ANKFN1: variants seen among roughly 807,000 people sequenced by gnomAD.
ANKFN1 encodes the protein ankyrin repeat and fibronectin type-III domain-containing protein 1.
A neutral mutation model predicts 108.7 loss-of-function variants in ANKFN1; 74 were observed. That is an observed-to-expected ratio of 0.68 (90% CI 0.56 to 0.83). The LOEUF (loss-of-function observed/expected upper bound fraction) is 0.83. Among genes scored for constraint, ANKFN1 ranks in the 40% least tolerant of loss-of-function variants. The pLI is 0.00. For missense variants in ANKFN1, 1,505 were observed against 1,382.3 expected (o/e 1.09, Z -1.41); for synonymous variants, 547 against 516.2 (o/e 1.06, Z -0.81).
At chr17:56,454,034 A>C (rs527851759) in intron 11 of ANKFN1, among the ~76,000 whole-genome samples, 1 of 152,314 alleles carries the variant, frequency 6.6e-6, no homozygotes, top group African/African-American at 2.4e-5. Flanking sequence ...TATACCCTTC[A>C]ATTGTGAGAC....
intron 3 of ANKFN1, among the ~76,000 whole-genome samples, chr17:56,236,409 C>T (rs1917156396): frequency 6.6e-6 from 1 of 152,122 alleles, no homozygotes; most frequent in African/African-American, 2.4e-5. Flanking sequence ...TCTTTCACCT[C>T]CCTAGTTAGC....
At chr17:56,080,574 A>G (rs1211789507) in intron 4 of ANKFN1, among the ~76,000 whole-genome samples, 3 of 152,176 alleles carry the variant, frequency 2.0e-5, no homozygotes, top group Non-Finnish European at 2.9e-5. Flanking sequence ...AGAATGTTAT[A>G]CTAATTCACT....
intron 4 of ANKFN1, among the ~76,000 whole-genome samples, chr17:56,136,443 T>C (rs1255589834): frequency 6.6e-6 from 1 of 152,224 alleles, no homozygotes; most frequent in East Asian, 1.9e-4. Flanking sequence ...ATGTCCTGGC[T>C]AGTATCTGTA....
Position 56,375,167 on chromosome 17 carries a change from G to A in ANKFN1, c.910+453G>A, listed in dbSNP as rs544484498. ...GCAGATAAAGTATATTGGAGGTCAG[G>A]AAAGAGCAAGGGGAAGATAAAATGG... On this transcript the variant is annotated intron_variant, in intron 8 of 20. Coordinates refer to ENST00000682825, the MANE Select transcript of ANKFN1 (RefSeq NM_001370326.1). Among the ~76,000 whole-genome samples the A allele has an allele frequency of 2.0e-5, 3 of 152,304 alleles. No homozygotes were observed. The East Asian group carries it at 5.8e-4, about 29-fold the overall frequency.
intron 19 of ANKFN1, 134 bp downstream of exon 19, chr17:56,492,487 G>C: frequency 3.7e-6 from 2 of 545,492 alleles, no homozygotes; most frequent in Non-Finnish European, 6.6e-6. Flanking sequence ...CTATTGAGTT[G>C]GTTAAAATGT....
chr17:56,288,433 A>T (rs188702578), intron 3 of ANKFN1, among the ~76,000 whole-genome samples: 12 of 152,082 alleles, frequency 7.9e-5, no homozygotes, highest in Admixed American at 5.9e-4. Flanking sequence ...TTTATCTGTT[A>T]TGCTGGATTC....
chr17:56,125,874 C>A (rs944322215), intron 4 of ANKFN1, among the ~76,000 whole-genome samples: 21 of 152,320 alleles, frequency 1.4e-4, no homozygotes, highest in African/African-American at 5.1e-4. Context: ...GACAGGCCGG[C>A]AGGGGCCACC....
intron 3 of ANKFN1, among the ~76,000 whole-genome samples, chr17:56,294,158 T>C (rs987693423): frequency 6.6e-6 from 1 of 152,216 alleles, no homozygotes; most frequent in African/African-American, 2.4e-5. Context: ...AAAATAGCTA[T>C]ATAAAGAAAC....
intron 1 of ANKFN1, chr17:56,174,261 CT>C: frequency 5.1e-6 from 5 of 985,602 alleles, no homozygotes; most frequent in Non-Finnish European, 4.8e-6. Context: ...CCACTCAGCC[CT>C]CCAGAGACAC....
intron 3 of ANKFN1, among the ~76,000 whole-genome samples, chr17:56,300,224 C>T (rs577486221): frequency 8.7e-4 from 132 of 152,258 alleles, no homozygotes; most frequent in African/African-American, 3.1e-3. Context: ...TTTGAAGAAT[C>T]AGAGCATGAG....
intron 4 of ANKFN1, among the ~76,000 whole-genome samples, chr17:56,079,601 T>G (rs1322048660): frequency 6.6e-6 from 1 of 152,184 alleles, no homozygotes; most frequent in Non-Finnish European, 1.5e-5. Context: ...GATTGTAGAT[T>G]AGACATTGTC....
At chr17:56,479,098 C>T (rs1428840298) in intron 16 of ANKFN1, among the ~76,000 whole-genome samples, 2 of 152,206 alleles carry the variant, frequency 1.3e-5, no homozygotes, top group Non-Finnish European at 2.9e-5. Context: ...TTACATTACA[C>T]TCATCCATTT....
chr17:56,079,397 C>T (rs1177507042), intron 4 of ANKFN1, among the ~76,000 whole-genome samples: 3 of 152,164 alleles, frequency 2.0e-5, no homozygotes, highest in African/African-American at 7.2e-5. Flanking sequence ...AGTGCCAAGA[C>T]CAAACAGAGG....
chr17:56,135,213 G>A (rs1005303446), intron 4 of ANKFN1, among the ~76,000 whole-genome samples: 53 of 152,160 alleles, frequency 3.5e-4, no homozygotes, highest in Non-Finnish European at 7.3e-5. Context: ...AGGTTGGCAA[G>A]CTACCTTAAA....
At chr17:56,304,661 T>G (rs2044766395) in intron 3 of ANKFN1, among the ~76,000 whole-genome samples, 1 of 152,140 alleles carries the variant, frequency 6.6e-6, no homozygotes, top group African/African-American at 2.4e-5. Context: ...TTTGGTGTTT[T>G]CTTTTTTTTT....
chr17:56,055,809 C>A (rs1567778652), intron 4 of ANKFN1, among the ~76,000 whole-genome samples: 1 of 151,182 alleles, frequency 6.6e-6, no homozygotes, highest in African/African-American at 2.4e-5. Flanking sequence ...ATACTGTTTT[C>A]CATAGAGGTT....
chr17:56,394,298 C>T (rs1251576999), intron 8 of ANKFN1, among the ~76,000 whole-genome samples: 5 of 152,206 alleles, frequency 3.3e-5, no homozygotes, highest in African/African-American at 9.6e-5. Flanking sequence ...CTTCAACACA[C>T]TTGCCACTGG....
At chr17:56,492,042 A>T in intron 18 of ANKFN1, 145 bp from the exon 19 acceptor site, 1 of 586,964 alleles carries the variant, frequency 1.7e-6, no homozygotes, top group South Asian at 2.1e-5. Context: ...TTAAGAGCAC[A>T]TTTATAATTT....
intron 3 of ANKFN1, among the ~76,000 whole-genome samples, chr17:56,277,577 G>A (rs886771807): frequency 2.6e-5 from 4 of 152,026 alleles, no homozygotes; most frequent in African/African-American, 9.7e-5. Flanking sequence ...TCCCATTACA[G>A]AGGATGTCAT....
Sources: allele counts gnomAD v4.1 joint callset (sites outside exome capture counted in the v4.1 genomes callset), GRCh38; gene constraint gnomAD v4.1.1; transcripts MANE v1.5; gene names NCBI Gene and HGNC (gene_info 2026-07-23, HGNC 2026-07-21).